Variants in HNF4G observed in about 807,000 individuals in gnomAD.
HNF4G encodes the protein hepatocyte nuclear factor 4-gamma.
HNF4G carries 21 observed loss-of-function variants against 50.9 expected under a neutral mutation model. That is an observed-to-expected ratio of 0.41 (90% CI 0.29 to 0.59). The LOEUF (loss-of-function observed/expected upper bound fraction) is 0.59, where lower values mean the gene tolerates loss of function less well. HNF4G is among the 20% of genes least tolerant of loss of function. The pLI is 0.26. For synonymous variants in HNF4G, 198 were observed against 185.6 expected, an observed-to-expected ratio of 1.07 and a Z score of -0.54; for missense variants, 527 against 559.4, an observed-to-expected ratio of 0.94 and a Z score of 0.58.
At chr8:75,539,469 G>A (rs755237147), upstream of HNF4G, among the ~76,000 whole-genome samples, 1 of 152,150 alleles carries the variant, frequency 6.6e-6, no homozygotes, top group Non-Finnish European at 1.5e-5. Flanking sequence ...AAATTGTAAA[G>A]TGTTTATGTG....
intron 1 of HNF4G, among the ~76,000 whole-genome samples, chr8:75,465,989 T>C (rs1341970829): frequency 1.3e-5 from 2 of 152,160 alleles, no homozygotes; most frequent in African/African-American, 4.8e-5. Context: ...AAATAATATA[T>C]ACAGAGTAAA....
chr8:75,536,137 G>T (rs941159830), upstream of HNF4G, among the ~76,000 whole-genome samples: 31 of 151,976 alleles, frequency 2.0e-4, no homozygotes, highest in African/African-American at 7.0e-4. Context: ...TAAAAGTAAT[G>T]TTTTGCTCAG....
chr8:75,534,532 A>C (rs1806410748), intron 2 of HNF4G, among the ~76,000 whole-genome samples: 1 of 151,960 alleles, frequency 6.6e-6, no homozygotes, highest in South Asian at 2.1e-4. Context: ...ACTCTTCCTT[A>C]GTTTTGGACT....
At position 75,560,400 on chromosome 8, in the gene HNF4G, G is replaced by A. The variant is rs1364007068; in HGVS notation, c.1180G>A (p.Asp394Asn). 3.7e-6 allele frequency: 6 copies of A among 1,613,038 alleles called. No homozygotes were observed. In the Admixed American group the frequency reaches 5.0e-5, roughly 13 times the overall value. ...TCCAATGCATCCACATTTGTCTCAA[G>A]ACCCATTAACTGGACAAACTATACT... ...HHPMHPHLSQ[D>N]PLTGQTILLG... Residue 394 changes from aspartate (D) to asparagine (N), a missense_variant, in exon 9 of 10, where the codon GAC becomes AAC. By Grantham distance (23) the Asp-to-Asn change is conservative. Transcript: ENST00000396423.
intron 2 of HNF4G, among the ~76,000 whole-genome samples, chr8:75,496,779 C>T (rs541669983): frequency 1.6e-3 from 243 of 150,500 alleles, no homozygotes; most frequent in African/African-American, 5.6e-3. Context: ...GAAATTATAA[C>T]GAAGCAGCAT....
chr8:75,565,279 A>G lies in HNF4G; in HGVS notation c.*1183A>G, dbSNP rs757880154. 1.3e-5 allele frequency: 2 copies of G among 152,176 alleles called. No individual in the cohort carries two copies. Among genetic ancestry groups the G allele is most frequent in the African/African-American group, 4.8e-5 (2 of 41,444 alleles). 9.4% of individuals were successfully genotyped at this position (152,176 alleles called of 1,614,324 possible). A position where few individuals can be genotyped will look rare whatever the true frequency, so the allele number is the denominator to read the frequency against. Reference sequence around the variant, plus strand: ...TTGGATACTATTCATCATATTGCCTATAATATATATTTACCGATAAGCAGT... The same window carrying G: ...TTGGATACTATTCATCATATTGCCTGTAATATATATTTACCGATAAGCAGT... On this transcript the variant is annotated 3_prime_UTR_variant, in exon 10 of 10. Transcript: ENST00000396423.
At chr8:75,558,465 T>TG (rs1807196534) in intron 6 of HNF4G, 53 bp from the exon 7 acceptor site, 1 of 1,549,872 alleles carries the variant, frequency 6.5e-7, no homozygotes, top group African/African-American at 1.4e-5. Context: ...GCTGACAATT[T>TG]GGGGAGACAG....
intron 1 of HNF4G, among the ~76,000 whole-genome samples, chr8:75,471,925 G>T (rs1400205582): frequency 6.6e-6 from 1 of 152,164 alleles, no homozygotes; most frequent in African/African-American, 2.4e-5. Context: ...TTTGCTTCAT[G>T]GCTTCTTACT....
At chr8:75,436,009 G>C (rs1331683052) in intron 1 of HNF4G, among the ~76,000 whole-genome samples, 1 of 152,098 alleles carries the variant, frequency 6.6e-6, no homozygotes, top group East Asian at 1.9e-4. Context: ...ATGTGCATTT[G>C]TATATATCAA....
chr8:75,433,674 C>T (rs952220334), intron 1 of HNF4G, among the ~76,000 whole-genome samples: 1 of 152,064 alleles, frequency 6.6e-6, no homozygotes. Flanking sequence ...GCTGGGATTA[C>T]AGGCATAAGC....
intron 1 of HNF4G, among the ~76,000 whole-genome samples, chr8:75,429,095 T>A (rs1810949902): frequency 6.6e-6 from 1 of 152,146 alleles, no homozygotes. Flanking sequence ...GTGCGAGAAA[T>A]TCCTCAAGAA....
intron 1 of HNF4G, among the ~76,000 whole-genome samples, chr8:75,457,761 A>G (rs1005304902): frequency 6.6e-6 from 1 of 152,038 alleles, no homozygotes; most frequent in Admixed American, 6.6e-5. Flanking sequence ...AGCTCTGCAT[A>G]AAGATATTTT....
chr8:75,451,904 G>A (rs149828168), intron 1 of HNF4G, among the ~76,000 whole-genome samples: 2 of 152,300 alleles, frequency 1.3e-5, no homozygotes, highest in Admixed American at 1.3e-4. Context: ...AGGCACACCT[G>A]TACTCCAGCT....
intron 1 of HNF4G, among the ~76,000 whole-genome samples, chr8:75,481,594 C>T (rs1248332280): frequency 6.6e-6 from 1 of 152,068 alleles, no homozygotes; most frequent in Admixed American, 6.6e-5. Context: ...CTGATAAGCA[C>T]GAGTAGGGCG....
At position 75,541,905 on chromosome 8, in the gene HNF4G, A is replaced by G. The variant is rs541829716; in HGVS notation, c.118+1825A>G. On this transcript the variant is annotated intron_variant, in intron 1 of 9. Coordinates refer to ENST00000396423, the MANE Select transcript of HNF4G (RefSeq NM_004133.5). ...AAATAAGACAGATAAATTCTCTACC[A>G]ACATGGGGCTTATATTCTGTGTGTA... Among the ~76,000 whole-genome samples, 94 of 152,280 alleles carry G rather than the reference A, an allele frequency of 6.2e-4. 3 individuals carry two copies. The South Asian group carries it at 0.018, about 30-fold the overall frequency.
intron 1 of HNF4G, among the ~76,000 whole-genome samples, chr8:75,441,540 C>T (rs1000275043): frequency 5.3e-5 from 8 of 152,156 alleles, no homozygotes; most frequent in South Asian, 2.1e-4. Flanking sequence ...CCACCATGCC[C>T]GGCCTTTATA....
chr8:75,432,811 A>G (rs1457653838), intron 1 of HNF4G, among the ~76,000 whole-genome samples: 1 of 152,182 alleles, frequency 6.6e-6, no homozygotes, highest in African/African-American at 2.4e-5. Context: ...AGGTTAAACT[A>G]TAAAACACAA....
intron 1 of HNF4G, among the ~76,000 whole-genome samples, chr8:75,465,119 A>G (rs1359213054): frequency 6.6e-6 from 1 of 152,198 alleles, no homozygotes; most frequent in Non-Finnish European, 1.5e-5. Context: ...TCAGTAAGGG[A>G]TGATATGGTA....
At chr8:75,562,192 C>G (rs1216814494) in intron 9 of HNF4G, among the ~76,000 whole-genome samples, 1 of 152,004 alleles carries the variant, frequency 6.6e-6, no homozygotes, top group Non-Finnish European at 1.5e-5. Context: ...CCAGTACCAC[C>G]TGACTTCTAG....
Sources: allele counts gnomAD v4.1 joint callset (sites outside exome capture counted in the v4.1 genomes callset), GRCh38; gene constraint gnomAD v4.1.1; transcripts MANE v1.5; gene names NCBI Gene and HGNC (gene_info 2026-07-23, HGNC 2026-07-21).